RBFOX1: variants seen among roughly 807,000 people sequenced by gnomAD.
The protein encoded by RBFOX1 is RNA binding protein fox-1 homolog 1.
A neutral mutation model predicts 57.7 loss-of-function variants in RBFOX1; 8 were observed. That is an observed-to-expected ratio of 0.14 (90% CI 0.08 to 0.25). RBFOX1 has a LOEUF of 0.25. RBFOX1 is among the 10% of genes least tolerant of loss of function. RBFOX1 has a pLI of 1.00. For missense variants in RBFOX1, 611 were observed against 548.5 expected (o/e 1.11, Z -1.14); for synonymous variants, 326 against 222.4 (o/e 1.47, Z -4.15).
At chr16:7,621,550 C>T (rs1042918087) in intron 10 of RBFOX1, among the ~76,000 whole-genome samples, 46 of 152,122 alleles carry the variant, frequency 3.0e-4, no homozygotes, top group African/African-American at 1.1e-3. Context: ...GCAGGGTCAC[C>T]ACACCTGGCC....
At chr16:5,257,793 C>T (rs1221500722) in intron 1 of RBFOX1, among the ~76,000 whole-genome samples, 1 of 152,162 alleles carries the variant, frequency 6.6e-6, no homozygotes, top group Non-Finnish European at 1.5e-5. Context: ...TCTCGACTTC[C>T]TCTACTCTGC....
At chr16:5,313,612 G>A (rs538894475) in intron 1 of RBFOX1, among the ~76,000 whole-genome samples, 1 of 152,222 alleles carries the variant, frequency 6.6e-6, no homozygotes, top group Admixed American at 6.5e-5. Flanking sequence ...TCACAGTCAC[G>A]GTGGAAGGCA....
intron 3 of RBFOX1, among the ~76,000 whole-genome samples, chr16:6,753,716 G>A (rs2075333065): frequency 7.4e-6 from 1 of 136,030 alleles, no homozygotes; most frequent in South Asian, 2.6e-4. Context: ...CTTGTGTCTT[G>A]TGTCAGAGTT....
chr16:7,388,573 A>G (rs1035384889), intron 4 of RBFOX1, among the ~76,000 whole-genome samples: 3 of 149,682 alleles, frequency 2.0e-5, no homozygotes, highest in African/African-American at 4.9e-5. Flanking sequence ...CTTACCTCAT[A>G]TGGTTCTAGG....
chr16:5,370,508 T>C (rs1596702041), intron 1 of RBFOX1, among the ~76,000 whole-genome samples: 1 of 151,692 alleles, frequency 6.6e-6, no homozygotes, highest in Admixed American at 6.6e-5. Context: ...TATTATTTTA[T>C]ATAAGATAGC....
At position 5,807,370 on chromosome 16, in the gene RBFOX1, G is replaced by T. The variant is rs1199315774; in HGVS notation, c.319-59933G>T. On this transcript the variant is annotated intron_variant, in intron 3 of 19. Coordinates refer to the RBFOX1 transcript ENST00000641259. ...TGTGGCATCTTCAGGATGCCACAGG[G>T]CCAGGACTCCCTGTGAGCTGGGTCC... 2.6e-5 allele frequency among the ~76,000 whole-genome samples: 4 copies of T among 152,062 alleles called. No homozygotes were observed. In the South Asian group the frequency reaches 6.2e-4, roughly 24 times the overall value.
intron 3 of RBFOX1, among the ~76,000 whole-genome samples, chr16:6,945,440 T>C (rs1007720879): frequency 1.3e-5 from 2 of 151,884 alleles, no homozygotes; most frequent in Non-Finnish European, 2.9e-5. Flanking sequence ...TGCCAGATTT[T>C]ATCGTTTTAA....
intron 1 of RBFOX1, among the ~76,000 whole-genome samples, chr16:5,321,910 G>A (rs763807569): frequency 3.3e-5 from 5 of 152,060 alleles, no homozygotes; most frequent in African/African-American, 9.7e-5. Flanking sequence ...ACGGCCTTAC[G>A]GGGCACTGAT....
intron 4 of RBFOX1, among the ~76,000 whole-genome samples, chr16:7,507,269 C>T (rs1393364874): frequency 1.3e-5 from 2 of 152,140 alleles, no homozygotes; most frequent in African/African-American, 2.4e-5. Flanking sequence ...GAACCCATTC[C>T]TCCACATAAA....
chr16:6,152,071 C>A (rs2096801422), intron 1 of RBFOX1, among the ~76,000 whole-genome samples: 1 of 152,024 alleles, frequency 6.6e-6, no homozygotes, highest in African/African-American at 2.4e-5. Context: ...TATGGTTTTC[C>A]TTTATTGGCC....
chr16:7,263,195 G>C (rs567897130), intron 4 of RBFOX1, among the ~76,000 whole-genome samples: 20 of 152,148 alleles, frequency 1.3e-4, no homozygotes, highest in Non-Finnish European at 2.8e-4. Flanking sequence ...CCACTTGATG[G>C]CAGAGCCGTG....
chr16:6,965,492 A>G (rs1416117323), intron 3 of RBFOX1, among the ~76,000 whole-genome samples: 1 of 152,016 alleles, frequency 6.6e-6, no homozygotes, highest in African/African-American at 2.4e-5. Context: ...GTGCGCCACC[A>G]TGCCTGGCTA....
chr16:7,621,016 C>T lies in RBFOX1; in HGVS notation c.677-9587C>T, dbSNP rs1019536804. On this transcript the variant is annotated intron_variant, in intron 10 of 15. Transcript: ENST00000550418. Reference sequence around the variant, plus strand: ...AGCACCATCTGCATCCCCTGGAAGCCTATGAGAAATGCAGAGTCTCAGGCC... The same window carrying T: ...AGCACCATCTGCATCCCCTGGAAGCTTATGAGAAATGCAGAGTCTCAGGCC... Among the ~76,000 whole-genome samples the T allele has an allele frequency of 4.6e-5, 7 of 151,944 alleles. No homozygotes were observed. The South Asian group carries it at 6.2e-4, about 14-fold the overall frequency.
intron 3 of RBFOX1, among the ~76,000 whole-genome samples, chr16:5,811,895 C>A (rs994598337): frequency 1.3e-5 from 2 of 152,168 alleles, no homozygotes; most frequent in Non-Finnish European, 2.9e-5. Context: ...AACTCCATCA[C>A]CTCAGAAATA....
intron 1 of RBFOX1, among the ~76,000 whole-genome samples, chr16:6,207,918 T>C (rs1202454018): frequency 1.3e-5 from 2 of 152,150 alleles, no homozygotes; most frequent in East Asian, 3.9e-4. Flanking sequence ...TTTTAAAATG[T>C]GACTCCAAAT....
At chr16:5,389,103 A>T (rs556570659) in intron 1 of RBFOX1, among the ~76,000 whole-genome samples, 1 of 151,726 alleles carries the variant, frequency 6.6e-6, no homozygotes, top group Non-Finnish European at 1.5e-5. Context: ...AGGCAGGAGA[A>T]TGGCGTGAAC....
In RBFOX1 at chr16:5,730,661, T is replaced by C. The variant is rs1204422722; in HGVS notation, c.318+131700T>C. ...CACTACCACACCACCACCATCGTTATTACCACTGCTGTTGTCACCAATGTC... is the reference window on the plus strand; with the variant it reads ...CACTACCACACCACCACCATCGTTACTACCACTGCTGTTGTCACCAATGTC... On this transcript the variant is annotated intron_variant, in intron 3 of 19. Transcript: ENST00000641259. Among the ~76,000 whole-genome samples the C allele has an allele frequency of 2.0e-5, 3 of 151,554 alleles. No individual in the cohort carries two copies. In the East Asian group the frequency reaches 5.9e-4, roughly 30 times the overall value.
At chr16:7,671,683 G>A (rs1204516619) in intron 13 of RBFOX1, 2 of 1,249,262 alleles carry the variant, frequency 1.6e-6, no homozygotes, top group African/African-American at 1.5e-5. Flanking sequence ...TAATTCTGGG[G>A]AGGGGAACAG....
chr16:7,047,895 T>A (rs1174232150), intron 3 of RBFOX1, among the ~76,000 whole-genome samples: 1 of 152,026 alleles, frequency 6.6e-6, no homozygotes, highest in African/African-American at 2.4e-5. Context: ...TAATTATTTT[T>A]TTTGAGACGT....
Sources: allele counts gnomAD v4.1 joint callset (sites outside exome capture counted in the v4.1 genomes callset), GRCh38; gene constraint gnomAD v4.1.1; transcripts MANE v1.5; gene names NCBI Gene and HGNC (gene_info 2026-07-23, HGNC 2026-07-21).